Variants in CFLAR observed in about 807,000 individuals in gnomAD.
CFLAR encodes CASP8 and FADD-like apoptosis regulator.
In CFLAR, 14 loss-of-function variants were observed where a neutral mutation model predicts 51.1. The ratio of observed to expected loss-of-function variants is 0.27; its 90% CI spans 0.18 to 0.43. The LOEUF (loss-of-function observed/expected upper bound fraction) is 0.43. Among genes scored for constraint, CFLAR ranks in the 20% least tolerant of loss-of-function variants. The probability of loss-of-function intolerance (pLI) is 1.00; values close to 1 mark genes in which losing one functional copy is unlikely to be tolerated. For synonymous variants in CFLAR, 210 were observed against 211.6 expected, an observed-to-expected ratio of 0.99 and a Z score of 0.06; for missense variants, 390 against 566.5, an observed-to-expected ratio of 0.69 and a Z score of 3.16.
intron 8 of CFLAR, among the ~76,000 whole-genome samples, chr2:201,158,556 C>T (rs947688240): frequency 5.9e-5 from 9 of 152,220 alleles, no homozygotes; most frequent in South Asian, 4.1e-4. Flanking sequence ...TGATTAGAGA[C>T]GTGTGAGTCC....
At position 201,160,640 on chromosome 2, in the gene CFLAR, T is replaced by C. The variant is rs905294230; in HGVS notation, c.1002T>C (p.His334=). Reference sequence around the variant, plus strand: ...AGACTCACTCAGGGCTCCCCCTGCATCACATCAGGAGGATGTTCATGGGAG... The same window carrying C: ...AGACTCACTCAGGGCTCCCCCTGCACCACATCAGGAGGATGTTCATGGGAG... ...VDQTHSGLPL[H]HIRRMFMGDS... Residue 334 remains histidine, a synonymous_variant, in exon 9 of 10, where the codon CAT becomes CAC. Transcript: ENST00000309955. 6.2e-7 allele frequency: 1 copy of C among 1,613,778 alleles called. No individual in the cohort carries two copies. The highest frequency in any genetic ancestry group is 1.3e-5 in the African/African-American group (1 of 74,828).
intron 5 of CFLAR, among the ~76,000 whole-genome samples, chr2:201,144,780 T>C (rs1939758774): frequency 6.6e-6 from 1 of 152,218 alleles, no homozygotes; most frequent in East Asian, 1.9e-4. Context: ...TACTATACTG[T>C]AACATCAGAT....
intron 8 of CFLAR, among the ~76,000 whole-genome samples, chr2:201,152,049 C>T (rs1018998876): frequency 3.3e-5 from 5 of 151,570 alleles, no homozygotes; most frequent in Admixed American, 6.6e-5. Flanking sequence ...GGCCATGGTG[C>T]GATCTTGGCT....
At chr2:201,132,212 T>G in intron 2 of CFLAR, among the ~76,000 whole-genome samples, 1 of 152,018 alleles carries the variant, frequency 6.6e-6, no homozygotes, top group Non-Finnish European at 1.5e-5. Flanking sequence ...ATTTATTTAT[T>G]CATCTGGTGA....
intron 3 of CFLAR, among the ~76,000 whole-genome samples, chr2:201,133,928 CA>C (rs1267307823): frequency 0.065 from 3,266 of 49,914 alleles, 9 homozygotes; most frequent in Middle Eastern, 0.12. Flanking sequence ...GACTCCATCT[CA>C]AAAAAAAAAA....
intron 2 of CFLAR, among the ~76,000 whole-genome samples, chr2:201,130,997 C>T (rs1308225741): frequency 1.3e-5 from 2 of 152,230 alleles, no homozygotes; most frequent in Admixed American, 6.5e-5. Context: ...TCCCTTCCTG[C>T]ACTTCCTGCG....
chr2:201,154,765 C>T (rs1344429216), intron 8 of CFLAR, among the ~76,000 whole-genome samples: 1 of 152,244 alleles, frequency 6.6e-6, no homozygotes, highest in Non-Finnish European at 1.5e-5. Flanking sequence ...CATGCAAGTC[C>T]CCCAAGTATT....
At position 201,169,566 on chromosome 2, in the gene CFLAR, A is replaced by G. The variant is rs1342086791; in HGVS notation, c.*5593A>G. 6.6e-6 allele frequency: 1 copy of G among 152,210 alleles called. No homozygotes were observed. The highest frequency in any genetic ancestry group is 2.4e-5 in the African/African-American group (1 of 41,464). 9.4% of individuals were successfully genotyped at this position (152,210 alleles called of 1,614,324 possible). ...CACAAGCAAAGGTTTCATGACAAAA[A>G]CATCAAAAGCAATTGCAACAAAAGC... On this transcript the variant is annotated 3_prime_UTR_variant, in exon 10 of 10. Transcript: ENST00000309955.
At chr2:201,119,942 A>G (rs946574788) in intron 1 of CFLAR, among the ~76,000 whole-genome samples, 6 of 149,382 alleles carry the variant, frequency 4.0e-5, no homozygotes, top group African/African-American at 1.5e-4. Flanking sequence ...AGTTTGCAAG[A>G]TATTTCATTT....
Position 201,118,395 on chromosome 2 carries a change from C to G in CFLAR, c.-138+1914C>G, listed in dbSNP as rs1030540406. On this transcript the variant is annotated intron_variant, in intron 1 of 9. Transcript: ENST00000309955. The surrounding 1 kb of genome is among the most constrained non-coding windows in gnomAD (Gnocchi z 5.1). ...AGTTTTTTGAGCCTTGGGCTGGGGA[C>G]CTCCAGGAAGCTGAAGCGGAAATTG... is the stretch of plus-strand genomic sequence containing the variant. 1 of 152,150 alleles carries G rather than the reference C, an allele frequency of 6.6e-6. No homozygotes were observed. Among genetic ancestry groups the G allele is most frequent in the Non-Finnish European group, 1.5e-5 (1 of 68,062 alleles). The allele number at this position is 152,150 out of a possible 1,614,324, so 9.4% of individuals were successfully genotyped here. A position where few individuals can be genotyped will look rare whatever the true frequency, so the allele number is the denominator to read the frequency against.
rs916608444 is a variant in CFLAR, at chr2:201,163,886, T to C, written c.1356T>C (p.Asp452=). The part of the protein sequence containing the change: ...LHIELNGYMY[D]WNSRVSAKEK... ...TTGAACTCAATGGCTACATGTATGA[T>C]TGGAACAGCAGAGTTTCTGCCAAGG... Residue 452 remains aspartate, a synonymous_variant, in exon 10 of 10, where the codon GAT becomes GAC. Transcript: ENST00000309955. The C allele has an allele frequency of 1.1e-5, 17 of 1,614,130 alleles. No individual in the cohort carries two copies. Among genetic ancestry groups the C allele is most frequent in the Non-Finnish European group, 1.4e-5 (17 of 1,180,010 alleles).
chr2:201,146,948 C>T (rs938955565), intron 6 of CFLAR, among the ~76,000 whole-genome samples: 4 of 152,180 alleles, frequency 2.6e-5, no homozygotes, highest in South Asian at 2.1e-4. Flanking sequence ...GCAAAAACTA[C>T]TGAGAAGCGA....
intron 8 of CFLAR, among the ~76,000 whole-genome samples, chr2:201,151,764 C>CT (rs1010959286): frequency 1.3e-5 from 2 of 150,222 alleles, no homozygotes; most frequent in African/African-American, 4.9e-5. Flanking sequence ...AATTGAAAAA[C>CT]TAAGTTTTTT....
At chr2:201,144,999 C>A (rs1367832689) in intron 5 of CFLAR, among the ~76,000 whole-genome samples, 1 of 152,060 alleles carries the variant, frequency 6.6e-6, no homozygotes, top group Non-Finnish European at 1.5e-5. Context: ...ATTACAGGGG[C>A]ACGCCACCAT....
At position 201,132,861 on chromosome 2, in the gene CFLAR, A is replaced by T. The variant is rs868344734; in HGVS notation, c.282-168A>T. The T allele has an allele frequency of 1.2e-4, 64 of 519,662 alleles. 1 individual carries two copies. In the Middle Eastern group the frequency reaches 0.016, roughly 127 times the overall value. 32.2% of individuals were successfully genotyped at this position (519,662 alleles called of 1,614,324 possible). The stretch of plus-strand genomic sequence containing the variant: ...GTTCCCTTTTCTGAGGTCCCTTAAG[A>T]TCTCTTCCTGGGGTGATCTAGGCTT... On this transcript the variant is annotated intron_variant, in intron 2 of 9. Transcript: ENST00000309955.
intron 4 of CFLAR, chr2:201,136,463 C>G (rs2050140355): frequency 6.3e-7 from 1 of 1,596,822 alleles, no homozygotes; most frequent in Non-Finnish European, 8.5e-7. Context: ...GGCCTCACAA[C>G]CACTGTCCAA....
rs769013986 is a variant in CFLAR at position 201,160,715 on chromosome 2, C to T, written c.1077C>T (p.Asn359=). The change falls in exon 9 of 10, where the codon AAC becomes AAT. Residue 359 remains asparagine (N), a synonymous_variant. Transcript: ENST00000309955. Reference sequence around the variant, plus strand: ...AGCCAAAGATGTTTTTTATTCAGAACTATGTGGTGTCAGAGGGCCAGCTGG... The same window carrying T: ...AGCCAAAGATGTTTTTTATTCAGAATTATGTGGTGTCAGAGGGCCAGCTGG... ...AGKPKMFFIQ[N]YVVSEGQLED... 8.1e-6 allele frequency: 13 copies of T among 1,613,962 alleles called. No homozygotes were observed. The highest frequency in any genetic ancestry group is 6.8e-6 in the Non-Finnish European group (8 of 1,180,018).
chr2:201,141,340 A>G (rs978920447), intron 5 of CFLAR: 2 of 1,548,026 alleles, frequency 1.3e-6, no homozygotes, highest in African/African-American at 1.4e-5. Context: ...TAGTCTACAC[A>G]TATATTTCAT....
intron 5 of CFLAR, chr2:201,141,230 C>CA: frequency 3.8e-5 from 43 of 1,139,682 alleles, no homozygotes; most frequent in South Asian, 1.6e-4. Flanking sequence ...AACTCTGTCT[C>CA]AAAAAAAATG....
Sources: gnomAD v4.1 joint callset for allele counts (sites outside exome capture counted in the v4.1 genomes callset) on GRCh38, gnomAD v4.1.1 for gene constraint, Gnocchi (gnomAD v3.1) non-coding constraint, MANE v1.5 for transcripts, NCBI Gene and HGNC (gene_info 2026-07-23, HGNC 2026-07-21) for gene names.